Variants in PHF1 observed in about 807,000 individuals in gnomAD.
The protein encoded by PHF1 is polycomb-like 1.
Under a neutral mutation model 69.4 loss-of-function variants are expected in PHF1, and 16 were observed. The observed-to-expected ratio is 0.23, with a 90% CI of 0.16 to 0.35. The LOEUF (loss-of-function observed/expected upper bound fraction) is 0.35. Ranked by LOEUF, PHF1 falls within the 10% of genes least tolerant of loss-of-function variation. The pLI is 1.00. For missense variants in PHF1, 515 were observed against 732.8 expected (o/e 0.70, Z 3.43); for synonymous variants, 274 against 275.0 (o/e 1.00, Z 0.04).
rs1047498292 is a variant in PHF1 at position 33,412,177 on chromosome 6, A to G, written c.-16-71A>G. 16 of 1,196,606 alleles carry G rather than the reference A, an allele frequency of 1.3e-5. No individual in the cohort carries two copies. Among genetic ancestry groups the G allele is most frequent in the South Asian group, 4.3e-5 (3 of 69,512 alleles). 74.1% of individuals were successfully genotyped at this position (1,196,606 alleles called of 1,614,324 possible). A position where few individuals can be genotyped will look rare whatever the true frequency, so the allele number is the denominator to read the frequency against. On this transcript the variant is annotated intron_variant, in intron 1 of 14. Coordinates refer to ENST00000374516, the MANE Select transcript of PHF1 (RefSeq NM_024165.3). The surrounding 1 kb of genome is among the most constrained non-coding windows in gnomAD (Gnocchi z 4.2). ...ACTCCATCTCAGGAAAAAAAAAAAA[A>G]AAAGAAAAAGAAAATGGGGAAGGTT...
In PHF1 at chr6:33,414,455, C is replaced by T; in HGVS notation, c.877-22C>T. ...GAAGAAATCACTGCTCCCCTGGCCC[C>T]ATTTTTCTTCATTTCTCCCAGCTTT... On this transcript the variant is annotated intron_variant, in intron 9 of 14. Transcript: ENST00000374516. This position sits in a 1 kb window ranked among gnomAD's most constrained non-coding sequence, Gnocchi z 5.0. 6.2e-7 allele frequency: 1 copy of T among 1,613,778 alleles called. No homozygotes were observed. Among genetic ancestry groups the T allele is most frequent in the Non-Finnish European group, 8.5e-7 (1 of 1,179,712 alleles).
At position 33,415,317 on chromosome 6, in the gene PHF1, G is replaced by GCTGCCTGCCCAGGTCAGTGCTCCT; in HGVS notation, c.1328_1334+17dup. The GCTGCCTGCCCAGGTCAGTGCTCCT allele has an allele frequency of 2.5e-6, 4 of 1,612,482 alleles. No homozygotes were observed. Among genetic ancestry groups the GCTGCCTGCCCAGGTCAGTGCTCCT allele is most frequent in the Non-Finnish European group, 1.7e-6 (2 of 1,179,346 alleles). ...TACAACTTCCGGCCCACAGATGCCC[G>GCTGCCTGCCCAGGTCAGTGCTCCT]CTGCCTGCCCAGGTCAGTGCTCCTC... On this transcript the variant is annotated inframe_insertion, in exon 13 of 15. Coordinates refer to ENST00000374516, the MANE Select transcript of PHF1 (RefSeq NM_024165.3).
At chr6:33,411,000 C>T (rs1269036109), upstream of PHF1, 2 of 150,468 alleles carry the variant, frequency 1.3e-5, no homozygotes, top group African/African-American at 4.9e-5. Flanking sequence ...CCCTCCCTCC[C>T]TCCCCCCCGC....
Position 33,412,686 on chromosome 6 carries a change from GTT to G in PHF1, c.242-11_242-10del. On this transcript the variant is annotated splice_polypyrimidine_tract_variant and intron_variant, in intron 3 of 14. Transcript: ENST00000374516. The surrounding 1 kb of genome is among the most constrained non-coding windows in gnomAD (Gnocchi z 4.2). Reference sequence around the variant, plus strand: ...TTAAAGGCAGGCCCTGTGACACTGTGTTCTCTCACAGCTGCCCTCCCTGGAGA... The same window carrying G: ...TTAAAGGCAGGCCCTGTGACACTGTGCTCTCACAGCTGCCCTCCCTGGAGA... 6.2e-7 allele frequency: 1 copy of G among 1,613,524 alleles called. No homozygotes were observed. The highest frequency in any genetic ancestry group is 8.5e-7 in the Non-Finnish European group (1 of 1,179,426).
In PHF1 at chr6:33,415,934, C is replaced by A. The variant is rs757060044; in HGVS notation, c.1540C>A (p.Pro514Thr). 6 of 1,614,020 alleles carry A rather than the reference C, an allele frequency of 3.7e-6. No homozygotes were observed. Among genetic ancestry groups the A allele is most frequent in the Non-Finnish European group, 4.2e-6 (5 of 1,179,998 alleles). ...AGGTCTTCCTAGACGCTCAGCACCC[C>A]CTTCTCCCCTGTGCCGTAGTTTGTC... ...SPGLPRRSAP[P>T]SPLCRSLSPG... Residue 514 changes from proline (P) to threonine (T), a missense_variant, in exon 15 of 15, where the codon CCT becomes ACT. By Grantham distance (38) the Pro-to-Thr change is conservative. Around this residue, in one of 5 missense-constraint regions of PHF1, gnomAD observed 274 missense variants for 304.5 expected, o/e 0.90. Transcript: ENST00000374516.
intron 6 of PHF1, 23 bp downstream of exon 6, chr6:33,413,580 A>T: frequency 6.2e-7 from 1 of 1,613,958 alleles, no homozygotes; most frequent in South Asian, 1.1e-5. Flanking sequence ...AGGGGAGCAG[A>T]CTGTGGAATG....
rs1057095860 is a variant in PHF1, at chr6:33,412,478, C to T, written c.160-30C>T. ...AGTTCCCTTATCTAATTCTGGTTCCCATTTCATCCTGTTTGCTCACCCATT... is the reference window on the plus strand; with the variant it reads ...AGTTCCCTTATCTAATTCTGGTTCCTATTTCATCCTGTTTGCTCACCCATT... On this transcript the variant is annotated intron_variant, in intron 2 of 14. Transcript: ENST00000374516. This position sits in a 1 kb window ranked among gnomAD's most constrained non-coding sequence, Gnocchi z 4.2. 10 of 1,614,096 alleles carry T rather than the reference C, an allele frequency of 6.2e-6. No homozygotes were observed. Among genetic ancestry groups the T allele is most frequent in the Non-Finnish European group, 8.5e-6 (10 of 1,180,020 alleles).
chr6:33,411,768 A>G (rs2151103451), intron 1 of PHF1, among the ~76,000 whole-genome samples: 1 of 152,190 alleles, frequency 6.6e-6, no homozygotes, highest in South Asian at 2.1e-4. Context: ...AGGACTCAAA[A>G]AGCTGGTGAT....
In PHF1 at chr6:33,416,191, A is replaced by T. The variant is rs548143483; in HGVS notation, c.*93A>T. 68 of 1,159,732 alleles carry T rather than the reference A, an allele frequency of 5.9e-5. No individual in the cohort carries two copies. The South Asian group carries it at 1.1e-3, about 20-fold the overall frequency. The allele number at this position is 1,159,732 out of a possible 1,614,324, so 71.8% of individuals were successfully genotyped here. A position where few individuals can be genotyped will look rare whatever the true frequency, so the allele number is the denominator to read the frequency against. ...ACCTACAGCTGGGATGTACCTGGAG[A>T]GATAGGGGGTAGTTCTCCCTACTGC... On this transcript the variant is annotated 3_prime_UTR_variant, in exon 15 of 15. Transcript: ENST00000374516.
chr6:33,416,263 C>T lies in PHF1; in HGVS notation c.*165C>T, dbSNP rs1447821355. 3.8e-6 allele frequency: 2 copies of T among 531,148 alleles called. No homozygotes were observed. Among genetic ancestry groups the T allele is most frequent in the African/African-American group, 1.9e-5 (1 of 52,332 alleles). 32.9% of individuals were successfully genotyped at this position (531,148 alleles called of 1,614,324 possible). On this transcript the variant is annotated 3_prime_UTR_variant, in exon 15 of 15. Coordinates refer to ENST00000374516, the MANE Select transcript of PHF1 (RefSeq NM_024165.3). ...GGGAGTGGGGAAGAGGCCCTCTTCT[C>T]TACCCTCCTTCATGATTCCTGACCC...
At chr6:33,411,004 C>A (rs1309773965), upstream of PHF1, 1 of 150,954 alleles carries the variant, frequency 6.6e-6, no homozygotes, top group Non-Finnish European at 1.5e-5. Context: ...CCCTCCCTCC[C>A]CCCCGCCGCC....
In PHF1 at chr6:33,414,649, A is replaced by T; in HGVS notation, c.945-76A>T. 6.5e-7 allele frequency: 1 copy of T among 1,542,190 alleles called. No homozygotes were observed. Among genetic ancestry groups the T allele is most frequent in the East Asian group, 2.2e-5 (1 of 44,464 alleles). On this transcript the variant is annotated intron_variant, in intron 10 of 14. Coordinates refer to ENST00000374516, the MANE Select transcript of PHF1 (RefSeq NM_024165.3). The surrounding 1 kb of genome is among the most constrained non-coding windows in gnomAD (Gnocchi z 5.0). ...AACCCACCTGGAAGACTGTGACTGA[A>T]AAGGATTGAGGAATGGCGTAAGGAG...
At position 33,412,270 on chromosome 6, in the gene PHF1, C is replaced by CA. The variant is rs1285350927; in HGVS notation, c.8dup (p.Pro4AlafsTer40). 6.2e-7 allele frequency: 1 copy of CA among 1,613,168 alleles called. No homozygotes were observed. The highest frequency in any genetic ancestry group is 8.5e-7 in the Non-Finnish European group (1 of 1,179,786). Reference sequence around the variant, plus strand: ...TAGGCCCCCCCAGGATGCAATGGCGCAGCCCCCCCGGCTGAGCCGCTCTGG... The same window carrying CA: ...TAGGCCCCCCCAGGATGCAATGGCGCAAGCCCCCCCGGCTGAGCCGCTCTGG... On this transcript the variant is annotated frameshift_variant, in exon 2 of 15. Transcript: ENST00000374516. LOFTEE classifies it high-confidence loss of function. The surrounding 1 kb of genome is among the most constrained non-coding windows in gnomAD (Gnocchi z 4.2).
intron 1 of PHF1, among the ~76,000 whole-genome samples, chr6:33,411,476 T>C (rs915747608): frequency 6.6e-6 from 1 of 152,116 alleles, no homozygotes; most frequent in African/African-American, 2.4e-5. Context: ...AGGATGATTG[T>C]TCTTAATGAG....
rs768341411 is a variant in PHF1, at chr6:33,415,273, T to C, written c.1278T>C (p.Ser426=). The C allele has an allele frequency of 6.2e-7, 1 of 1,613,732 alleles. No homozygotes were observed. The highest frequency in any genetic ancestry group is 1.1e-5 in the South Asian group (1 of 91,070). ...VSPPSPSPNQ[S]YQGSSGYNFR... ...CACCATCCCCCAGCCCTAACCAGAG[T>C]TACCAGGGCAGCAGCGGCTACAACT... The change falls in exon 13 of 15, where the codon AGT becomes AGC. Residue 426 remains serine, a synonymous_variant. Coordinates refer to ENST00000374516, the MANE Select transcript of PHF1 (RefSeq NM_024165.3).
intron 14 of PHF1, 41 bp downstream of exon 14, chr6:33,415,711 C>A: frequency 6.2e-7 from 1 of 1,609,272 alleles, no homozygotes; most frequent in Non-Finnish European, 8.5e-7. Flanking sequence ...CTCTTCTTCC[C>A]CTCTATGTGC....
At position 33,411,033 on chromosome 6, in the gene PHF1, C is replaced by G. The variant is rs1337439312; in HGVS notation, c.-199C>G. 1.3e-5 allele frequency: 2 copies of G among 151,406 alleles called. No individual in the cohort carries two copies. Among genetic ancestry groups the G allele is most frequent in the Non-Finnish European group, 3.0e-5 (2 of 67,710 alleles). The allele number at this position is 151,406 out of a possible 1,614,324, so 9.4% of individuals were successfully genotyped here. On this transcript the variant is annotated 5_prime_UTR_variant, in exon 1 of 15. Transcript: ENST00000374516. ...CGCCGCCTCCTCCTCCTGCCGCTGC[C>G]GCTGCTTTGGCTGCTGCGTCATACG...
rs1295558884 is a variant in PHF1, at chr6:33,415,258, C to T, written c.1263C>T (p.Pro421=). Reference sequence around the variant, plus strand: ...AGGCCTCAGTGTCTCCACCATCCCCCAGCCCTAACCAGAGTTACCAGGGCA... The same window carrying T: ...AGGCCTCAGTGTCTCCACCATCCCCTAGCCCTAACCAGAGTTACCAGGGCA... ...ALQASVSPPS[P]SPNQSYQGSS... Residue 421 remains proline (P), a synonymous_variant, in exon 13 of 15, where the codon CCC becomes CCT. Coordinates refer to ENST00000374516, the MANE Select transcript of PHF1 (RefSeq NM_024165.3). 1.9e-6 allele frequency: 3 copies of T among 1,613,840 alleles called. No homozygotes were observed. In the African/African-American group the frequency reaches 4.0e-5, roughly 22 times the overall value.
At position 33,412,966 on chromosome 6, in the gene PHF1, A is replaced by G. The variant is rs1329704; in HGVS notation, c.337+173A>G. 2.9e-6 allele frequency: 2 copies of G among 694,104 alleles called. No homozygotes were observed. Among genetic ancestry groups the G allele is most frequent in the Non-Finnish European group, 5.0e-6 (2 of 398,382 alleles). The allele number at this position is 694,104 out of a possible 1,614,324, so 43.0% of individuals were successfully genotyped here. ...AGAAGCAGCCATGGAAAGGGGTGGT[A>G]TAACCTTTGCAGGCAGAAGATGGTT... On this transcript the variant is annotated intron_variant, in intron 4 of 14. Transcript: ENST00000374516. This position sits in a 1 kb window ranked among gnomAD's most constrained non-coding sequence, Gnocchi z 4.2.
Sources: allele counts gnomAD v4.1 joint callset (sites outside exome capture counted in the v4.1 genomes callset), GRCh38; gene constraint gnomAD v4.1.1; regional missense constraint gnomAD v4.1.1; non-coding constraint Gnocchi (gnomAD v3.1); transcripts MANE v1.5; gene names NCBI Gene and HGNC (gene_info 2026-07-23, HGNC 2026-07-21).